Variants in EYS observed in about 807,000 individuals in gnomAD.
The protein encoded by EYS is EGF-like photoreceptor maintenance factor.
Under a neutral mutation model 282.1 loss-of-function variants are expected in EYS, and 250 were observed. The observed-to-expected ratio is 0.89, with a 90% CI of 0.80 to 0.98. The LOEUF (loss-of-function observed/expected upper bound fraction) is 0.98, where lower values mean the gene tolerates loss of function less well. Ranked by LOEUF, EYS falls within the 50% of genes least tolerant of loss-of-function variation. The pLI, the probability that EYS is intolerant of heterozygous loss-of-function variation, is 0.00. For synonymous variants in EYS, 1,355 were observed against 1,282.9 expected (o/e 1.06, Z -1.20); for missense variants, 4,016 against 3,709.0 (o/e 1.08, Z -2.15).
chr6:65,476,499 T>C lies in EYS; in HGVS notation c.862+14095A>G, dbSNP rs1765409397. ...AAATTCTCCTGAATTGTGGCATAAT[T>C]TGAGTTCAAAATATATTAATTATTT... On this transcript the variant is annotated intron_variant, in intron 5 of 42. Coordinates refer to ENST00000503581, the MANE Select transcript of EYS (RefSeq NM_001142800.2). Among the ~76,000 whole-genome samples the C allele has an allele frequency of 3.3e-5, 5 of 152,208 alleles. No individual in the cohort carries two copies. In the South Asian group the frequency reaches 1.0e-3, roughly 32 times the overall value.
At chr6:64,799,830 C>A (rs1052575565) in intron 22 of EYS, among the ~76,000 whole-genome samples, 2 of 151,842 alleles carry the variant, frequency 1.3e-5, no homozygotes, top group South Asian at 4.1e-4. Context: ...TAGAATTGGA[C>A]AGTTTAATCT....
intron 22 of EYS, among the ~76,000 whole-genome samples, chr6:64,669,578 C>A (rs781411168): frequency 1.3e-5 from 2 of 152,110 alleles, no homozygotes; most frequent in Non-Finnish European, 2.9e-5. Context: ...CCTTAAGACA[C>A]AATTAAGTGA....
At chr6:64,599,311 A>C (rs1226574502) in intron 24 of EYS, among the ~76,000 whole-genome samples, 1 of 152,210 alleles carries the variant, frequency 6.6e-6, no homozygotes, top group Non-Finnish European at 1.5e-5. Flanking sequence ...GGAAATAATT[A>C]GACTGACCTG....
intron 11 of EYS, among the ~76,000 whole-genome samples, chr6:65,306,039 C>T (rs1283975643): frequency 6.6e-6 from 1 of 152,140 alleles, no homozygotes; most frequent in Non-Finnish European, 1.5e-5. Flanking sequence ...TCCTTCATAT[C>T]ACCTCAAGGT....
At chr6:65,440,763 T>C (rs1768283612) in intron 5 of EYS, among the ~76,000 whole-genome samples, 1 of 150,170 alleles carries the variant, frequency 6.7e-6, no homozygotes. Context: ...GCTAATAACA[T>C]TAATTTATAT....
At chr6:64,857,794 T>C (rs1766111224) in intron 19 of EYS, among the ~76,000 whole-genome samples, 1 of 152,162 alleles carries the variant, frequency 6.6e-6, no homozygotes, top group Non-Finnish European at 1.5e-5. Flanking sequence ...TTGTTTTAAA[T>C]AAAAGCCATT....
rs182951887 is a variant in EYS at position 65,178,356 on chromosome 6, C to T, written c.2023+117507G>A. Among the ~76,000 whole-genome samples, 267 of 152,040 alleles carry T rather than the reference C, an allele frequency of 1.8e-3. 2 individuals carry two copies. Among genetic ancestry groups the T allele is most frequent in the African/African-American group, 6.0e-3 (248 of 41,526 alleles). ...TGGGTAAATTCCTTTACTACCCAGGCGCCAGCCTCTGACAGTTGACCATGA... is the reference window on the plus strand; with the variant it reads ...TGGGTAAATTCCTTTACTACCCAGGTGCCAGCCTCTGACAGTTGACCATGA... On this transcript the variant is annotated intron_variant, in intron 12 of 42. Transcript: ENST00000503581.
At chr6:65,625,036 G>C (rs1168380134) in intron 2 of EYS, among the ~76,000 whole-genome samples, 1 of 152,122 alleles carries the variant, frequency 6.6e-6, no homozygotes, top group South Asian at 2.1e-4. Flanking sequence ...CTGGAAAAGG[G>C]AGGGAGGGGA....
At chr6:65,201,987 C>A (rs1470140410) in intron 12 of EYS, among the ~76,000 whole-genome samples, 2 of 152,016 alleles carry the variant, frequency 1.3e-5, no homozygotes, top group Non-Finnish European at 2.9e-5. Context: ...TGACGCACAC[C>A]TGTAGTCCCA....
chr6:64,257,011 A>G (rs1327026109), intron 30 of EYS, among the ~76,000 whole-genome samples: 1 of 152,054 alleles, frequency 6.6e-6, no homozygotes, highest in Non-Finnish European at 1.5e-5. Flanking sequence ...TATGTAGTCA[A>G]CACCTCAAAA....
At chr6:65,206,100 G>T (rs1019641332) in intron 12 of EYS, among the ~76,000 whole-genome samples, 1 of 151,634 alleles carries the variant, frequency 6.6e-6, no homozygotes, top group African/African-American at 2.4e-5. Flanking sequence ...ATGAAAAGTT[G>T]TTTATTGGAA....
At chr6:64,413,525 A>AAACAAC (rs140486442) in intron 28 of EYS, among the ~76,000 whole-genome samples, 13,570 of 146,138 alleles carry the variant, frequency 0.093, 656 homozygotes, top group East Asian at 0.2. Flanking sequence ...ATTCTTGTCC[A>AAACAAC]AACAACAACA....
chr6:65,125,381 A>G (rs1433032240), intron 12 of EYS, among the ~76,000 whole-genome samples: 1 of 152,094 alleles, frequency 6.6e-6, no homozygotes, highest in African/African-American at 2.4e-5. Flanking sequence ...TTCCTCATCA[A>G]TTCCTTTGTC....
chr6:65,110,370 G>T (rs533873616), intron 12 of EYS, among the ~76,000 whole-genome samples: 3 of 152,042 alleles, frequency 2.0e-5, no homozygotes, highest in Non-Finnish European at 4.4e-5. Flanking sequence ...AAATGTGTAA[G>T]CAAATAAATT....
intron 29 of EYS, among the ~76,000 whole-genome samples, chr6:64,313,640 C>T (rs948563005): frequency 6.6e-6 from 1 of 152,080 alleles, no homozygotes; most frequent in African/African-American, 2.4e-5. Flanking sequence ...AGAGAAAGGT[C>T]GGGTTACCCA....
At chr6:63,908,012 G>GTATATA (rs57451331) in intron 35 of EYS, among the ~76,000 whole-genome samples, 2,826 of 131,058 alleles carry the variant, frequency 0.022, 98 homozygotes, top group African/African-American at 0.077. Flanking sequence ...ACACACAAAC[G>GTATATA]TATATATATA....
intron 36 of EYS, among the ~76,000 whole-genome samples, chr6:63,855,530 T>C (rs142000416): frequency 5.8e-4 from 89 of 152,336 alleles, no homozygotes; most frequent in Non-Finnish European, 9.0e-4. Flanking sequence ...GGCAACAGCA[T>C]ACATAGCTGA....
intron 24 of EYS, among the ~76,000 whole-genome samples, chr6:64,608,785 A>G (rs1767016550): frequency 6.6e-6 from 1 of 152,262 alleles, no homozygotes; most frequent in South Asian, 2.1e-4. Context: ...CCCATTATTA[A>G]GTGAAAGAAG....
chr6:64,188,073 A>G (rs1438288024), intron 31 of EYS, among the ~76,000 whole-genome samples: 2 of 152,148 alleles, frequency 1.3e-5, no homozygotes, highest in African/African-American at 2.4e-5. Flanking sequence ...AGATGGAACA[A>G]TCATTTAAGT....
Sources: allele counts gnomAD v4.1 joint callset (sites outside exome capture counted in the v4.1 genomes callset), GRCh38; gene constraint gnomAD v4.1.1; transcripts MANE v1.5; gene names NCBI Gene and HGNC (gene_info 2026-07-23, HGNC 2026-07-21).